Variants in GCH1 observed in about 807,000 individuals in gnomAD.
GCH1 encodes GTP cyclohydrolase I.
Under a neutral mutation model 25.9 loss-of-function variants are expected in GCH1, and 5 were observed. That is an observed-to-expected ratio of 0.19 (90% confidence interval 0.10 to 0.41). GCH1 has a LOEUF of 0.41. Ranked by LOEUF, GCH1 falls within the 10% of genes least tolerant of loss-of-function variation. The pLI is 1.00. For missense variants in GCH1, 261 were observed against 336.5 expected (o/e 0.78, Z 1.75); for synonymous variants, 159 against 129.6 (o/e 1.23, Z -1.54).
At chr14:54,847,633 G>A (rs965026949) in intron 3 of GCH1, among the ~76,000 whole-genome samples, 4 of 151,564 alleles carry the variant, frequency 2.6e-5, no homozygotes, top group Non-Finnish European at 5.9e-5. Context: ...GGGACCCTGC[G>A]ATCATGTAAG....
At chr14:54,897,059 GA>G (rs2040497321) in intron 1 of GCH1, among the ~76,000 whole-genome samples, 1 of 137,706 alleles carries the variant, frequency 7.3e-6, no homozygotes. Context: ...CGCCAGGCTG[GA>G]GTGCAGTGGC....
At position 54,845,802 on chromosome 14, in the gene GCH1, G is replaced by C. The variant is rs752447862; in HGVS notation, c.592C>G (p.Arg198Gly). The change falls in exon 5 of 6, where the codon CGG (arginine) becomes GGG (glycine). Residue 198 changes from arginine (R) to glycine (G), a missense_variant. Coordinates refer to ENST00000491895, the MANE Select transcript of GCH1 (RefSeq NM_000161.3). ...ACCACTACCCCGACTCCAGCAGGCC[G>C]CAAGGCTTCCGTGATTGCTACAGCA... ...QIAVAITEAL[R>G]PAGVGVVVEA... 6.2e-7 allele frequency: 1 copy of C among 1,609,556 alleles called. No homozygotes were observed. The highest frequency in any genetic ancestry group is 8.5e-7 in the Non-Finnish European group (1 of 1,175,824).
chr14:54,897,577 C>T (rs550076552), intron 1 of GCH1, among the ~76,000 whole-genome samples: 18 of 152,266 alleles, frequency 1.2e-4, no homozygotes, highest in Non-Finnish European at 2.4e-4. Flanking sequence ...GCGTGAGCCA[C>T]CGCGCCCGGC....
intron 3 of GCH1, among the ~76,000 whole-genome samples, chr14:54,857,484 A>G (rs2039829241): frequency 3.3e-5 from 5 of 152,210 alleles, no homozygotes; most frequent in Admixed American, 2.6e-4. Flanking sequence ...TTACACTATG[A>G]AACTATCCAT....
chr14:54,867,811 G>A (rs1309223671), intron 1 of GCH1, among the ~76,000 whole-genome samples: 1 of 152,098 alleles, frequency 6.6e-6, no homozygotes, highest in Admixed American at 6.5e-5. Context: ...AATTAAGATT[G>A]AGGGAGCTGC....
At position 54,843,150 on chromosome 14, in the gene GCH1, T is replaced by C; in HGVS notation, c.*867A>G. On this transcript the variant is annotated 3_prime_UTR_variant, in exon 6 of 6. Coordinates refer to ENST00000491895, the MANE Select transcript of GCH1 (RefSeq NM_000161.3). ...GAAGAAGAAGAAACATTTTGAGGCA[T>C]CTACATGGATCACACAAAGGAAACT... 6.6e-7 allele frequency: 1 copy of C among 1,516,424 alleles called. No homozygotes were observed. Among genetic ancestry groups the C allele is most frequent in the Non-Finnish European group, 8.9e-7 (1 of 1,127,784 alleles). The allele number at this position is 1,516,424 out of a possible 1,614,324, so 93.9% of individuals were successfully genotyped here. A position where few individuals can be genotyped will look rare whatever the true frequency, so the allele number is the denominator to read the frequency against.
chr14:54,861,114 T>C (rs2039890538), intron 2 of GCH1, among the ~76,000 whole-genome samples: 1 of 152,186 alleles, frequency 6.6e-6, no homozygotes, highest in African/African-American at 2.4e-5. Flanking sequence ...GGCATCATGG[T>C]TTGCTAACAC....
intron 3 of GCH1, among the ~76,000 whole-genome samples, chr14:54,854,363 C>A (rs567933810): frequency 6.6e-6 from 1 of 152,244 alleles, no homozygotes; most frequent in South Asian, 2.1e-4. Context: ...CAGCAAAGAC[C>A]TGCAGCAGGG....
At chr14:54,863,036 C>T (rs1019686146) in intron 2 of GCH1, among the ~76,000 whole-genome samples, 1 of 152,168 alleles carries the variant, frequency 6.6e-6, no homozygotes, top group Middle Eastern at 3.4e-3. Flanking sequence ...ACATTTGAGA[C>T]AATTGGAGAA....
At chr14:54,875,701 C>T (rs530105536) in intron 1 of GCH1, among the ~76,000 whole-genome samples, 1 of 152,200 alleles carries the variant, frequency 6.6e-6, no homozygotes, top group African/African-American at 2.4e-5. Context: ...TGAACAGACA[C>T]TTCTCAAAAG....
chr14:54,848,553 T>C (rs1430386426), intron 3 of GCH1, among the ~76,000 whole-genome samples: 1 of 152,214 alleles, frequency 6.6e-6, no homozygotes, highest in Non-Finnish European at 1.5e-5. Context: ...TTCATGGCCT[T>C]TTGATCATGA....
chr14:54,863,148 G>T (rs142687689), intron 2 of GCH1, among the ~76,000 whole-genome samples: 2 of 152,124 alleles, frequency 1.3e-5, no homozygotes, highest in South Asian at 2.1e-4. Flanking sequence ...GGCCAGGTGC[G>T]GTGGCTCACG....
intron 5 of GCH1, among the ~76,000 whole-genome samples, chr14:54,844,633 G>C (rs2039612708): frequency 6.6e-6 from 1 of 152,194 alleles, no homozygotes; most frequent in Non-Finnish European, 1.5e-5. Context: ...GGTGACCAGA[G>C]ATCCTGTCTG....
chr14:54,885,402 C>A, intron 1 of GCH1: 1 of 245,000 alleles, frequency 4.1e-6, no homozygotes, highest in Non-Finnish European at 8.4e-6. Flanking sequence ...AATAGGAACT[C>A]CACAGGAAGT....
intron 1 of GCH1, among the ~76,000 whole-genome samples, chr14:54,894,369 C>T (rs746546091): frequency 6.6e-6 from 1 of 152,178 alleles, no homozygotes; most frequent in Admixed American, 6.5e-5. Context: ...CGGCCACCAC[C>T]AGAAGCTGGG....
chr14:54,878,145 T>C (rs2040190292), intron 1 of GCH1: 3 of 154,862 alleles, frequency 1.9e-5, no homozygotes, highest in African/African-American at 7.2e-5. Flanking sequence ...CAGGGAAAGA[T>C]TTCCTCAAAA....
chr14:54,845,801 C>T lies in GCH1; in HGVS notation c.593G>A (p.Arg198Gln), dbSNP rs201238926. ...AACCACTACCCCGACTCCAGCAGGC[C>T]GCAAGGCTTCCGTGATTGCTACAGC... ...QIAVAITEAL[R>Q]PAGVGVVVEA... The change falls in exon 5 of 6, where the codon CGG (arginine) becomes CAG (glutamine). Residue 198 changes from arginine (R) to glutamine (Q), a missense_variant. Transcript: ENST00000491895. 2.7e-5 allele frequency: 43 copies of T among 1,610,326 alleles called. No homozygotes were observed. Among genetic ancestry groups the T allele is most frequent in the African/African-American group, 6.7e-5 (5 of 74,860 alleles).
intron 2 of GCH1, among the ~76,000 whole-genome samples, chr14:54,864,052 G>A (rs577853985): frequency 3.3e-5 from 5 of 151,886 alleles, no homozygotes; most frequent in Admixed American, 6.6e-5. Flanking sequence ...GGTAGAGATG[G>A]GGTCTCACCA....
intron 1 of GCH1, among the ~76,000 whole-genome samples, chr14:54,901,319 A>G (rs2040563442): frequency 6.6e-6 from 1 of 152,236 alleles, no homozygotes; most frequent in Admixed American, 6.5e-5. Flanking sequence ...GAAGGTGTAG[A>G]CTGGAAAATA....
Sources: allele counts gnomAD v4.1 joint callset (sites outside exome capture counted in the v4.1 genomes callset), GRCh38; gene constraint gnomAD v4.1.1; transcripts MANE v1.5; gene names NCBI Gene and HGNC (gene_info 2026-07-23, HGNC 2026-07-21).